ZNF804B: variants seen among roughly 807,000 people sequenced by gnomAD.
ZNF804B encodes the protein zinc finger protein 804B.
A neutral mutation model predicts 101.4 loss-of-function variants in ZNF804B; 80 were observed. That is an observed-to-expected ratio of 0.79 (90% CI 0.66 to 0.95). The LOEUF (loss-of-function observed/expected upper bound fraction) is 0.95, where lower values mean the gene tolerates loss of function less well. ZNF804B is among the 40% of genes least tolerant of loss of function. The pLI is 0.00. For synonymous variants in ZNF804B, 622 were observed against 558.8 expected, an observed-to-expected ratio of 1.11 and a Z score of -1.59; for missense variants, 1,673 against 1,561.9, an observed-to-expected ratio of 1.07 and a Z score of -1.20.
At chr7:88,839,806 T>G in intron 1 of ZNF804B, among the ~76,000 whole-genome samples, 1 of 151,726 alleles carries the variant, frequency 6.6e-6, no homozygotes, top group African/African-American at 2.4e-5. Flanking sequence ...AAAACAAAAA[T>G]AGGCATAATA....
intron 1 of ZNF804B, among the ~76,000 whole-genome samples, chr7:88,764,186 C>T (rs1004302691): frequency 1.3e-5 from 2 of 152,058 alleles, no homozygotes; most frequent in Admixed American, 6.6e-5. Flanking sequence ...GTGAGACTAT[C>T]ATTCGGGATA....
chr7:88,809,330 TCTA>T (rs1790742694), intron 1 of ZNF804B, among the ~76,000 whole-genome samples: 1 of 151,190 alleles, frequency 6.6e-6, no homozygotes, highest in Non-Finnish European at 1.5e-5. Flanking sequence ...TATCTATCTA[TCTA>T]TCTATCTATC....
At chr7:88,942,385 T>C (rs1793066320) in intron 1 of ZNF804B, among the ~76,000 whole-genome samples, 1 of 151,964 alleles carries the variant, frequency 6.6e-6, no homozygotes, top group South Asian at 2.1e-4. Context: ...AGTTTCCTTT[T>C]AATTTTATGA....
At chr7:89,313,812 C>G (rs1790679479) in intron 2 of ZNF804B, among the ~76,000 whole-genome samples, 1 of 152,072 alleles carries the variant, frequency 6.6e-6, no homozygotes, top group Non-Finnish European at 1.5e-5. Flanking sequence ...GACCACCTTC[C>G]CTTTCTTTTC....
chr7:88,868,320 G>C (rs892561494), intron 1 of ZNF804B, among the ~76,000 whole-genome samples: 1 of 151,926 alleles, frequency 6.6e-6, no homozygotes, highest in African/African-American at 2.4e-5. Context: ...GAACCAACTG[G>C]GCTATGTATA....
rs188820358 is a variant in ZNF804B at position 88,882,816 on chromosome 7, G to A, written c.108+122732G>A. On this transcript the variant is annotated intron_variant, in intron 1 of 3. Transcript: ENST00000333190. ...GAGCTAAACATTTAGCATTACACAC[G>A]GACATAAAAGTGGGAACAGTAGATA... Among the ~76,000 whole-genome samples the A allele has an allele frequency of 7.3e-4, 111 of 152,076 alleles. 2 individuals carry two copies. Among genetic ancestry groups the A allele is most frequent in the African/African-American group, 2.5e-3 (103 of 41,492 alleles).
At chr7:89,064,621 T>G (rs892149036) in intron 1 of ZNF804B, among the ~76,000 whole-genome samples, 2 of 152,160 alleles carry the variant, frequency 1.3e-5, no homozygotes, top group African/African-American at 4.8e-5. Flanking sequence ...TTTCCCCCTT[T>G]TTAAGATTTC....
chr7:89,098,225 C>T (rs993449328), intron 1 of ZNF804B, among the ~76,000 whole-genome samples: 7 of 151,806 alleles, frequency 4.6e-5, no homozygotes, highest in Non-Finnish European at 1.0e-4. Flanking sequence ...TTCTTAATCA[C>T]CATGTTATCC....
intron 3 of ZNF804B, among the ~76,000 whole-genome samples, chr7:89,330,273 G>A (rs1790959061): frequency 6.6e-6 from 1 of 151,608 alleles, no homozygotes; most frequent in African/African-American, 2.4e-5. Flanking sequence ...ACTTTCCGAT[G>A]TAAGATGAAT....
intron 1 of ZNF804B, among the ~76,000 whole-genome samples, chr7:89,185,443 C>A (rs951708447): frequency 6.6e-6 from 1 of 152,230 alleles, no homozygotes; most frequent in Non-Finnish European, 1.5e-5. Context: ...GCCATAGTAA[C>A]TCTGAACCTT....
chr7:89,040,427 T>C (rs533154131), intron 1 of ZNF804B, among the ~76,000 whole-genome samples: 2 of 152,264 alleles, frequency 1.3e-5, no homozygotes, highest in East Asian at 1.9e-4. Context: ...AGTTTAATTA[T>C]TGTGTTATTC....
At chr7:89,308,896 C>A (rs2115939384) in intron 2 of ZNF804B, among the ~76,000 whole-genome samples, 1 of 152,280 alleles carries the variant, frequency 6.6e-6, no homozygotes, top group South Asian at 2.1e-4. Context: ...GCCCATGGGT[C>A]TTAGTTTGCT....
rs1400285927 is a variant in ZNF804B at position 88,834,764 on chromosome 7, A to G, written c.108+74680A>G. Among the ~76,000 whole-genome samples the G allele has an allele frequency of 2.0e-5, 3 of 151,620 alleles. No homozygotes were observed. In the Admixed American group the frequency reaches 2.0e-4, roughly 10 times the overall value. Reference sequence around the variant, plus strand: ...TGTCAGATGCTCTGTTTGCCAAACTATTTTTCGCCATTCAATCTCCTTGTT... The same window carrying G: ...TGTCAGATGCTCTGTTTGCCAAACTGTTTTTCGCCATTCAATCTCCTTGTT... On this transcript the variant is annotated intron_variant, in intron 1 of 3. Coordinates refer to ENST00000333190, the MANE Select transcript of ZNF804B (RefSeq NM_181646.5).
intron 1 of ZNF804B, among the ~76,000 whole-genome samples, chr7:88,876,157 C>G (rs1356481881): frequency 5.3e-5 from 8 of 152,122 alleles, no homozygotes. Flanking sequence ...TCTCTCAAGT[C>G]TATCTCTTTT....
intron 1 of ZNF804B, among the ~76,000 whole-genome samples, chr7:89,167,971 A>G (rs1268136572): frequency 6.6e-6 from 1 of 152,164 alleles, no homozygotes; most frequent in African/African-American, 2.4e-5. Context: ...AATATCATAC[A>G]ATATCTATTT....
At chr7:88,821,565 G>A (rs1790981714) in intron 1 of ZNF804B, among the ~76,000 whole-genome samples, 1 of 152,146 alleles carries the variant, frequency 6.6e-6, no homozygotes, top group African/African-American at 2.4e-5. Flanking sequence ...CCACGTGCAA[G>A]GTTATTGTAA....
intron 2 of ZNF804B, among the ~76,000 whole-genome samples, chr7:89,233,173 G>A (rs1252270567): frequency 4.6e-5 from 7 of 152,076 alleles, no homozygotes; most frequent in African/African-American, 1.4e-4. Flanking sequence ...TGATCCATCC[G>A]CCTCGGCCTC....
intron 1 of ZNF804B, among the ~76,000 whole-genome samples, chr7:88,780,933 G>A (rs1027330882): frequency 3.9e-5 from 6 of 151,930 alleles, no homozygotes; most frequent in African/African-American, 1.5e-4. Context: ...TACTAATTCT[G>A]TTCATGGGTA....
chr7:89,044,790 A>C (rs532731940), intron 1 of ZNF804B, among the ~76,000 whole-genome samples: 2 of 152,280 alleles, frequency 1.3e-5, no homozygotes, highest in East Asian at 3.9e-4. Flanking sequence ...ATTCAAGAAG[A>C]AGCAGAGAAT....
Sources: allele counts gnomAD v4.1 joint callset (sites outside exome capture counted in the v4.1 genomes callset), GRCh38; gene constraint gnomAD v4.1.1; transcripts MANE v1.5; gene names NCBI Gene and HGNC (gene_info 2026-07-23, HGNC 2026-07-21).